The following CYFIP1 variants were observed in gnomAD, a reference collection of about 807,000 sequenced individuals.
CYFIP1 encodes the protein cytoplasmic FMR1-interacting protein 1.
A neutral mutation model predicts 163.5 loss-of-function variants in CYFIP1; 58 were observed. The observed-to-expected ratio is 0.35, with a 90% CI of 0.29 to 0.44. CYFIP1 has a LOEUF of 0.44. CYFIP1 is among the 20% of genes least tolerant of loss of function. The probability of loss-of-function intolerance (pLI) is 1.00; values close to 1 mark genes in which losing one functional copy is unlikely to be tolerated. For missense variants in CYFIP1, 1,338 were observed against 1,653.8 expected (o/e 0.81, Z 3.31); for synonymous variants, 663 against 660.7 (o/e 1.00, Z -0.05).
chr15:22,873,472 G>T lies in CYFIP1; in HGVS notation c.3449+19C>A. 6.3e-7 allele frequency: 1 copy of T among 1,599,558 alleles called. No homozygotes were observed. Among genetic ancestry groups the T allele is most frequent in the Non-Finnish European group, 8.6e-7 (1 of 1,168,172 alleles). On this transcript the variant is annotated intron_variant, in intron 29 of 30. Coordinates refer to ENST00000617928, the MANE Select transcript of CYFIP1 (RefSeq NM_014608.6). ...CTCCCCTCCTCTGGGGCTTTGTCCT[G>T]CTCTCAGCACACACTTACTCGACTG...
At position 22,914,891 on chromosome 15, in the gene CYFIP1, G is replaced by A. The variant is rs766372212; in HGVS notation, c.1829-9C>T. ...GCACTGCTGCAGCGTTTCTGGGAGG[G>A]TTCAAACAACTCCATGTTATCTCCC... On this transcript the variant is annotated splice_polypyrimidine_tract_variant and intron_variant, in intron 16 of 30. Transcript: ENST00000617928. 4 of 1,598,454 alleles carry A rather than the reference G, an allele frequency of 2.5e-6. No homozygotes were observed. The highest frequency in any genetic ancestry group is 3.4e-6 in the Non-Finnish European group (4 of 1,173,924).
In CYFIP1 at chr15:22,883,742, G is replaced by A. The variant is rs910314771; in HGVS notation, c.2677-731C>T. On this transcript the variant is annotated intron_variant, in intron 23 of 30. Coordinates refer to ENST00000617928, the MANE Select transcript of CYFIP1 (RefSeq NM_014608.6). The stretch of plus-strand genomic sequence containing the variant: ...TGAGGCAGGAGAATGGCATGAACCT[G>A]GGATGTGGAGCTTGCAGTGAGCCGA... Among the ~76,000 whole-genome samples, 7 of 150,232 alleles carry A rather than the reference G, an allele frequency of 4.7e-5. No individual in the cohort carries two copies. The Admixed American group carries it at 4.7e-4, about 10-fold the overall frequency.
At chr15:22,918,507 C>T (rs772884416) in intron 14 of CYFIP1, among the ~76,000 whole-genome samples, 185 bp downstream of exon 14, 9 of 152,180 alleles carry the variant, frequency 5.9e-5, no homozygotes, top group Non-Finnish European at 8.8e-5. Context: ...GACTTACTGT[C>T]CATTGTTTGG....
chr15:22,893,649 A>T (rs2060141550), intron 22 of CYFIP1, among the ~76,000 whole-genome samples: 1 of 152,210 alleles, frequency 6.6e-6, no homozygotes. Context: ...TTGTGAAAAT[A>T]CTGCTGTCCC....
chr15:22,924,208 G>A (rs1321950000), intron 13 of CYFIP1, among the ~76,000 whole-genome samples: 1 of 152,120 alleles, frequency 6.6e-6, no homozygotes. Flanking sequence ...CGGATTACCT[G>A]AGGTCAGGAG....
intron 13 of CYFIP1, 151 bp downstream of exon 13, chr15:22,925,831 T>C (rs866061000): frequency 1.7e-6 from 2 of 1,200,818 alleles, no homozygotes; most frequent in South Asian, 1.5e-5. Flanking sequence ...CTCTAATGCG[T>C]TCTACTCTGA....
chr15:22,932,838 T>C (rs569182398), intron 10 of CYFIP1, among the ~76,000 whole-genome samples: 140 of 152,256 alleles, frequency 9.2e-4, no homozygotes, highest in Non-Finnish European at 1.2e-3. Flanking sequence ...AGTCTCTTCT[T>C]TTTTTCTTTG....
Position 22,925,997 on chromosome 15 carries a change from C to A in CYFIP1, c.1344G>T (p.Lys448Asn). The A allele has an allele frequency of 1.2e-6, 2 of 1,613,828 alleles. No homozygotes were observed. The highest frequency in any genetic ancestry group is 2.2e-5 in the South Asian group (2 of 91,054). The change falls in exon 13 of 31, where the codon AAG becomes AAT. Residue 448 changes from lysine (K) to asparagine (N), a missense_variant. By Grantham distance (94) the Lys-to-Asn change is moderately conservative. Around this residue, in one of 4 missense-constraint regions of CYFIP1, gnomAD observed 824 missense variants for 995.7 expected, o/e 0.83. Transcript: ENST00000617928. ...ATRYNYTSEEKFALVEVIAMI... is the reference protein window; with the variant it reads ...ATRYNYTSEENFALVEVIAMI... Reference sequence around the variant, plus strand: ...GCATCCTCACCTCCACTAGGGCAAACTTCTCCTCGCTGGTGTAGTTGTAGC... The same window carrying A: ...GCATCCTCACCTCCACTAGGGCAAAATTCTCCTCGCTGGTGTAGTTGTAGC...
intron 1 of CYFIP1, among the ~76,000 whole-genome samples, chr15:22,960,323 G>A (rs747495000): frequency 2.0e-5 from 3 of 152,226 alleles, no homozygotes; most frequent in Non-Finnish European, 4.4e-5. Flanking sequence ...CAGGTCCCAC[G>A]CAGTGGGGTG....
At position 22,873,735 on chromosome 15, in the gene CYFIP1, G is replaced by T. The variant is rs936328703; in HGVS notation, c.3211-6C>A. The T allele has an allele frequency of 3.1e-6, 5 of 1,608,920 alleles. No individual in the cohort carries two copies. In the Admixed American group the frequency reaches 6.7e-5, roughly 22 times the overall value. ...TCTCTTGCGATGGCAATTTGCTGCA[G>T]AAAGGACAAGCCGTGGAATGCCGTG... On this transcript the variant is annotated splice_polypyrimidine_tract_variant and splice_region_variant and intron_variant, in intron 28 of 30. Coordinates refer to ENST00000617928, the MANE Select transcript of CYFIP1 (RefSeq NM_014608.6).
In CYFIP1 at chr15:22,870,151, A is replaced by G; in HGVS notation, c.3639T>C (p.Ile1213=). 1 of 1,611,952 alleles carries G rather than the reference A, an allele frequency of 6.2e-7. No individual in the cohort carries two copies. Among genetic ancestry groups the G allele is most frequent in the South Asian group, 1.1e-5 (1 of 90,528 alleles). Residue 1213 remains isoleucine, a synonymous_variant, in exon 31 of 31, where the codon ATT becomes ATC. Transcript: ENST00000617928. ...KMVERIRKFQ[I]LNDEIITILD... The stretch of plus-strand genomic sequence containing the variant: ...GGATGGTGATGATCTCATCATTGAG[A>G]ATCTGGAACTTGCGAATTCTCTCCA...
chr15:22,882,371 C>A (rs531743569), intron 24 of CYFIP1, among the ~76,000 whole-genome samples: 39 of 152,346 alleles, frequency 2.6e-4, no homozygotes, highest in Non-Finnish European at 8.8e-5. Flanking sequence ...GGACAGAGTC[C>A]CCAGCGGGTC....
chr15:22,878,084 A>C (rs1299815040), intron 26 of CYFIP1, among the ~76,000 whole-genome samples: 1 of 152,192 alleles, frequency 6.6e-6, no homozygotes, highest in African/African-American at 2.4e-5. Context: ...CCTAAAGACA[A>C]GAGACTGCTT....
chr15:22,892,313 A>G (rs1002813186), intron 23 of CYFIP1, among the ~76,000 whole-genome samples: 1 of 152,200 alleles, frequency 6.6e-6, no homozygotes, highest in African/African-American at 2.4e-5. Flanking sequence ...AGCCCTTAAT[A>G]ATACTCAGAC....
At chr15:22,927,596 T>C (rs2061397229) in intron 12 of CYFIP1, among the ~76,000 whole-genome samples, 1 of 151,396 alleles carries the variant, frequency 6.6e-6, no homozygotes, top group Admixed American at 6.6e-5. Flanking sequence ...GTCAAGGCTG[T>C]AGGGACTTAT....
At chr15:22,910,099 C>T (rs2060733343) in intron 20 of CYFIP1, among the ~76,000 whole-genome samples, 1 of 152,150 alleles carries the variant, frequency 6.6e-6, no homozygotes, top group African/African-American at 2.4e-5. Context: ...TAAGGACGTT[C>T]ACAGTCACAA....
chr15:22,912,748 C>T (rs1276178952), intron 17 of CYFIP1, among the ~76,000 whole-genome samples: 3 of 152,258 alleles, frequency 2.0e-5, no homozygotes, highest in African/African-American at 7.2e-5. Context: ...TACGGCAATA[C>T]TGTCTCTAAC....
At chr15:22,876,553 G>A (rs113261776) in intron 26 of CYFIP1, among the ~76,000 whole-genome samples, 3,250 of 152,112 alleles carry the variant, frequency 0.021, 42 homozygotes, top group African/African-American at 0.026. Flanking sequence ...TTTATGTGAA[G>A]AATGTCAGGC....
At chr15:22,882,026 A>T in intron 24 of CYFIP1, 90 bp from the exon 25 acceptor site, 1 of 1,119,838 alleles carries the variant, frequency 8.9e-7, no homozygotes, top group Non-Finnish European at 1.3e-6. Flanking sequence ...CAAGTCTGTT[A>T]GCAAAGAGCT....
Sources: gnomAD v4.1 joint callset for allele counts (sites outside exome capture counted in the v4.1 genomes callset) on GRCh38, gnomAD v4.1.1 for gene constraint, gnomAD v4.1.1 regional missense constraint, MANE v1.5 for transcripts, NCBI Gene and HGNC (gene_info 2026-07-23, HGNC 2026-07-21) for gene names.